LNX2: variants seen among roughly 807,000 people sequenced by gnomAD.
LNX2 encodes the protein ligand of Numb protein X 2.
A neutral mutation model predicts 66.2 loss-of-function variants in LNX2; 35 were observed. The observed-to-expected ratio is 0.53, with a 90% confidence interval of 0.40 to 0.70. The LOEUF is 0.70. Ranked by LOEUF, LNX2 falls within the 30% of genes least tolerant of loss-of-function variation. The pLI, the probability that LNX2 is intolerant of heterozygous loss-of-function variation, is 0.00. For synonymous variants in LNX2, 337 were observed against 315.6 expected (o/e 1.07, Z -0.72); for missense variants, 791 against 850.8 (o/e 0.93, Z 0.87).
intron 1 of LNX2, among the ~76,000 whole-genome samples, chr13:27,609,830 T>C (rs1222307240): frequency 2.0e-5 from 3 of 152,134 alleles, no homozygotes; most frequent in Non-Finnish European, 4.4e-5. Flanking sequence ...TCCTGAATGG[T>C]TTCTTAATGT....
In LNX2 at chr13:27,581,405, C is replaced by G; in HGVS notation, c.299G>C (p.Ser100Thr). 2 of 1,606,338 alleles carry G rather than the reference C, an allele frequency of 1.2e-6. No individual in the cohort carries two copies. The highest frequency in any genetic ancestry group is 1.7e-6 in the Non-Finnish European group (2 of 1,174,332). Residue 100 changes from serine to threonine, a missense_variant, in exon 2 of 10, where the codon AGT (serine) becomes ACT (threonine). Transcript: ENST00000316334. ...GTCTAGGAGTTTATGAACTAGAATA[C>G]TAGACTTCTTGCACAACTTAAAATG... is the stretch of plus-strand genomic sequence containing the variant. Reference protein sequence around the residue: ...RLHFKLCKKSSILVHKLLDKL... With the variant: ...RLHFKLCKKSTILVHKLLDKL...
At position 27,550,486 on chromosome 13, in the gene LNX2, A is replaced by G; in HGVS notation, c.1784T>C (p.Leu595Pro). ...TAAAACTATATCGTGGCAGCTATGA[A>G]GTGTGCTATAAACAAACAGAAAAAT... ...WVMWLGLPST[L>P]HSCHDIVLRR... is the part of the protein sequence containing the mutation. Residue 595 changes from leucine (L) to proline (P), a missense_variant, in exon 9 of 10, where the codon CTT becomes CCT. Coordinates refer to ENST00000316334, the MANE Select transcript of LNX2 (RefSeq NM_153371.4). 1 of 1,612,166 alleles carries G rather than the reference A, an allele frequency of 6.2e-7. No individual in the cohort carries two copies. Among genetic ancestry groups the G allele is most frequent in the Non-Finnish European group, 8.5e-7 (1 of 1,179,424 alleles).
At chr13:27,611,440 G>C (rs947071865) in intron 1 of LNX2, among the ~76,000 whole-genome samples, 1 of 152,190 alleles carries the variant, frequency 6.6e-6, no homozygotes, top group African/African-American at 2.4e-5. Context: ...ACCAGGGACT[G>C]GGGAGAGGAG....
At chr13:27,618,885 CTACG>C (rs1955856605) in intron 1 of LNX2, among the ~76,000 whole-genome samples, 1 of 152,312 alleles carries the variant, frequency 6.6e-6, no homozygotes, top group Non-Finnish European at 1.5e-5. Flanking sequence ...GACTAAGTGC[CTACG>C]TAACACCTAT....
chr13:27,612,379 G>T (rs944906297), intron 1 of LNX2, among the ~76,000 whole-genome samples: 3 of 152,090 alleles, frequency 2.0e-5, no homozygotes, highest in African/African-American at 7.2e-5. Context: ...TCCTCTGAGG[G>T]TTTACCTGTG....
At chr13:27,600,634 T>A (rs1368651317) in intron 1 of LNX2, among the ~76,000 whole-genome samples, 1 of 152,218 alleles carries the variant, frequency 6.6e-6, no homozygotes, top group African/African-American at 2.4e-5. Context: ...TAGGTGTTAC[T>A]GACTCGGGGC....
At chr13:27,565,874 G>A (rs192085141) in intron 4 of LNX2, among the ~76,000 whole-genome samples, 90 of 152,244 alleles carry the variant, frequency 5.9e-4, no homozygotes, top group African/African-American at 1.9e-3. Flanking sequence ...GTCAATCCTG[G>A]CTGCCTTTGT....
chr13:27,570,950 A>G (rs1168076595), intron 2 of LNX2, among the ~76,000 whole-genome samples: 1 of 152,250 alleles, frequency 6.6e-6, no homozygotes, highest in African/African-American at 2.4e-5. Flanking sequence ...ACACACAAAA[A>G]TAACTTTTAA....
intron 1 of LNX2, among the ~76,000 whole-genome samples, chr13:27,589,624 GT>G (rs1020945547): frequency 5.3e-5 from 8 of 151,986 alleles, no homozygotes; most frequent in Admixed American, 3.3e-4. Flanking sequence ...GATGAAAAAG[GT>G]TTTTTTAGTG....
rs891753746 is a variant in LNX2, at chr13:27,548,069, C to T, written c.*266G>A. ...CAGTTTGGGTGAGCTTTGCTCATTA[C>T]CATAGGTAACATTTTAACAACTAAG... On this transcript the variant is annotated 3_prime_UTR_variant, in exon 10 of 10. Coordinates refer to ENST00000316334, the MANE Select transcript of LNX2 (RefSeq NM_153371.4). 7.4e-6 allele frequency: 3 copies of T among 402,958 alleles called. No homozygotes were observed. Among genetic ancestry groups the T allele is most frequent in the South Asian group, 3.2e-5 (1 of 31,228 alleles). The allele number at this position is 402,958 out of a possible 1,614,324, so 25.0% of individuals were successfully genotyped here. A position where few individuals can be genotyped will look rare whatever the true frequency, so the allele number is the denominator to read the frequency against.
At chr13:27,606,224 A>T (rs1955714053) in intron 1 of LNX2, among the ~76,000 whole-genome samples, 1 of 152,180 alleles carries the variant, frequency 6.6e-6, no homozygotes, top group African/African-American at 2.4e-5. Context: ...AGTGTACCAA[A>T]TATGTTTTAT....
intron 1 of LNX2, among the ~76,000 whole-genome samples, chr13:27,594,464 G>C (rs1955575499): frequency 6.6e-6 from 1 of 152,026 alleles, no homozygotes; most frequent in South Asian, 2.1e-4. Flanking sequence ...TTCCCTTTGA[G>C]AGTTCTTCCA....
At chr13:27,614,374 C>A (rs1197995549) in intron 1 of LNX2, among the ~76,000 whole-genome samples, 2 of 152,154 alleles carry the variant, frequency 1.3e-5, no homozygotes, top group Non-Finnish European at 2.9e-5. Context: ...GACCCACTGA[C>A]CACTCCTGTG....
At chr13:27,567,892 A>C in intron 3 of LNX2, 53 bp from the exon 4 acceptor site, 1 of 1,416,720 alleles carries the variant, frequency 7.1e-7, no homozygotes, top group Non-Finnish European at 1.0e-6. Flanking sequence ...AAATAAACAA[A>C]CCCAACAATT....
chr13:27,612,088 A>G (rs530557959), intron 1 of LNX2, among the ~76,000 whole-genome samples: 2 of 152,380 alleles, frequency 1.3e-5, no homozygotes, highest in African/African-American at 4.8e-5. Flanking sequence ...GAGAGACAGA[A>G]AAGTCCTAGA....
intron 1 of LNX2, among the ~76,000 whole-genome samples, chr13:27,587,788 A>G (rs370566245): frequency 1.7e-4 from 26 of 152,098 alleles, no homozygotes; most frequent in East Asian, 5.9e-4. Flanking sequence ...TTGGGAGGCC[A>G]AGGCGGGCAG....
chr13:27,579,074 G>A (rs914106041), intron 2 of LNX2, among the ~76,000 whole-genome samples: 4 of 152,124 alleles, frequency 2.6e-5, no homozygotes, highest in African/African-American at 4.8e-5. Flanking sequence ...TCTACAACCC[G>A]GCATTAGATT....
chr13:27,598,293 G>C (rs547079904), intron 1 of LNX2, among the ~76,000 whole-genome samples: 14 of 151,486 alleles, frequency 9.2e-5, no homozygotes, highest in Non-Finnish European at 1.8e-4. Context: ...AAACAGTACA[G>C]CTAGAAAAAG....
intron 1 of LNX2, among the ~76,000 whole-genome samples, chr13:27,611,915 G>A (rs117822733): frequency 8.1e-4 from 124 of 152,312 alleles, no homozygotes; most frequent in Admixed American, 4.0e-3. Context: ...AAAGATTGGA[G>A]CATATTTATA....
Sources: allele counts gnomAD v4.1 joint callset (sites outside exome capture counted in the v4.1 genomes callset), GRCh38; gene constraint gnomAD v4.1.1; transcripts MANE v1.5; gene names NCBI Gene and HGNC (gene_info 2026-07-23, HGNC 2026-07-21).